OLFM3: variants seen among roughly 807,000 people sequenced by gnomAD.
OLFM3 encodes noelin-3.
In OLFM3, 20 loss-of-function variants were observed where a neutral mutation model predicts 48.6. That is an observed-to-expected ratio of 0.41 (90% CI 0.29 to 0.60). The LOEUF (loss-of-function observed/expected upper bound fraction) is 0.60, where lower values mean the gene tolerates loss of function less well. Ranked by LOEUF, OLFM3 falls within the 20% of genes least tolerant of loss-of-function variation. The probability of loss-of-function intolerance (pLI) is 0.28; values close to 1 mark genes in which losing one functional copy is unlikely to be tolerated. For missense variants in OLFM3, 437 were observed against 544.3 expected (o/e 0.80, Z 1.96); for synonymous variants, 222 against 198.1 (o/e 1.12, Z -1.01).
chr1:101,982,003 A>C (rs565697823), intron 1 of OLFM3, among the ~76,000 whole-genome samples: 4 of 152,336 alleles, frequency 2.6e-5, no homozygotes, highest in African/African-American at 9.6e-5. Context: ...AACATTGAAA[A>C]AACACTGGTC....
intron 4 of OLFM3, among the ~76,000 whole-genome samples, chr1:101,812,251 G>T (rs971997565): frequency 1.3e-5 from 2 of 152,046 alleles, no homozygotes; most frequent in Non-Finnish European, 2.9e-5. Context: ...GAGTTAATGG[G>T]TGCAGCATAC....
At chr1:101,944,176 A>C (rs528942271) in intron 1 of OLFM3, among the ~76,000 whole-genome samples, 2 of 151,998 alleles carry the variant, frequency 1.3e-5, no homozygotes, top group South Asian at 4.1e-4. Flanking sequence ...ATATTTTATT[A>C]TCACATATAA....
intron 1 of OLFM3, among the ~76,000 whole-genome samples, chr1:101,958,041 T>C (rs781283301): frequency 1.6e-4 from 25 of 152,178 alleles, no homozygotes; most frequent in African/African-American, 6.0e-4. Flanking sequence ...TGCTACTGCA[T>C]TCTGAAGACA....
chr1:101,958,367 T>C (rs6656787), intron 1 of OLFM3, among the ~76,000 whole-genome samples: 4,515 of 152,148 alleles, frequency 0.03, 182 homozygotes, highest in African/African-American at 0.095. Flanking sequence ...TGTGAGGCAG[T>C]AGGTATGACT....
At chr1:101,861,071 T>TA (rs1490513953) in intron 1 of OLFM3, among the ~76,000 whole-genome samples, 2 of 149,352 alleles carry the variant, frequency 1.3e-5, no homozygotes, top group Non-Finnish European at 3.0e-5. Context: ...TTTGATTATA[T>TA]TTTTTTTTGA....
chr1:101,823,641 A>C (rs1239383630), intron 4 of OLFM3, among the ~76,000 whole-genome samples: 1 of 152,062 alleles, frequency 6.6e-6, no homozygotes, highest in Non-Finnish European at 1.5e-5. Flanking sequence ...CAACAGAGCA[A>C]AATAATTTCA....
intron 1 of OLFM3, among the ~76,000 whole-genome samples, chr1:101,985,683 T>C (rs1661214919): frequency 6.6e-6 from 1 of 152,198 alleles, no homozygotes; most frequent in African/African-American, 2.4e-5. Flanking sequence ...GGTAATTTAC[T>C]CATTTATCTT....
intron 1 of OLFM3, among the ~76,000 whole-genome samples, chr1:101,871,012 CAG>C (rs1657062598): frequency 6.6e-6 from 1 of 151,832 alleles, no homozygotes; most frequent in Admixed American, 6.6e-5. Flanking sequence ...GAAATTTAGA[CAG>C]AGCAGAGTAA....
chr1:101,877,898 C>A (rs1657365783), intron 1 of OLFM3, among the ~76,000 whole-genome samples: 1 of 151,356 alleles, frequency 6.6e-6, no homozygotes, highest in Non-Finnish European at 1.5e-5. Context: ...TGTTCAGATT[C>A]CCTTAGAGTT....
intron 1 of OLFM3, among the ~76,000 whole-genome samples, chr1:101,882,316 CATATATATATATATAAT>C (rs1228776866): frequency 8.7e-6 from 1 of 115,030 alleles, no homozygotes; most frequent in Non-Finnish European, 1.9e-5. Flanking sequence ...AATATAAGTG[CATATATATATATATAAT>C]ATATATATAT....
chr1:101,960,510 C>T (rs1212410111), intron 1 of OLFM3, among the ~76,000 whole-genome samples: 1 of 152,148 alleles, frequency 6.6e-6, no homozygotes, highest in African/African-American at 2.4e-5. Flanking sequence ...GTTCTACTAG[C>T]ATTATTGCTG....
chr1:101,938,832 C>T (rs1659702594), intron 1 of OLFM3, among the ~76,000 whole-genome samples: 1 of 152,114 alleles, frequency 6.6e-6, no homozygotes, highest in Middle Eastern at 3.2e-3. Context: ...AGTATTCACC[C>T]AAATCATCTT....
In OLFM3 at chr1:101,803,924, A is replaced by G; in HGVS notation, c.*314T>C. 5.4e-6 allele frequency: 1 copy of G among 185,222 alleles called. No individual in the cohort carries two copies. The highest frequency in any genetic ancestry group is 1.1e-5 in the Non-Finnish European group (1 of 90,436). The allele number at this position is 185,222 out of a possible 1,614,324, so 11.5% of individuals were successfully genotyped here. On this transcript the variant is annotated 3_prime_UTR_variant, in exon 6 of 6. Coordinates refer to ENST00000370103, the MANE Select transcript of OLFM3 (RefSeq NM_058170.4). ...ACATTCGTGCATTTAAGCCACCATT[A>G]GTCTCTGACTCTAATATAAGGCAGA...
At chr1:101,879,378 CAAT>C (rs1657429125) in intron 1 of OLFM3, among the ~76,000 whole-genome samples, 2 of 151,938 alleles carry the variant, frequency 1.3e-5, no homozygotes, top group East Asian at 1.9e-4. Flanking sequence ...TTATTCCTTA[CAAT>C]AATAATTTTC....
chr1:101,874,185 C>G (rs937799459), intron 1 of OLFM3, among the ~76,000 whole-genome samples: 1 of 151,710 alleles, frequency 6.6e-6, no homozygotes, highest in Non-Finnish European at 1.5e-5. Context: ...ACCTTTTCTG[C>G]CTCTTGACCA....
chr1:101,836,470 T>A (rs1017626106), intron 2 of OLFM3, among the ~76,000 whole-genome samples: 1 of 152,226 alleles, frequency 6.6e-6, no homozygotes, highest in Non-Finnish European at 1.5e-5. Flanking sequence ...TCCAGATAGC[T>A]TGCATATCAC....
At chr1:101,859,528 C>T (rs565812679) in intron 1 of OLFM3, among the ~76,000 whole-genome samples, 176 of 152,134 alleles carry the variant, frequency 1.2e-3, no homozygotes, top group Non-Finnish European at 2.1e-3. Context: ...AGTTAAATGT[C>T]TCTTATTTGA....
chr1:101,973,788 G>A (rs778260510), intron 1 of OLFM3, among the ~76,000 whole-genome samples: 11 of 152,144 alleles, frequency 7.2e-5, no homozygotes, highest in Admixed American at 3.9e-4. Context: ...TATCAAGAAG[G>A]ACAAGAAAGA....
At chr1:101,848,508 A>ATT (rs34309802) in intron 1 of OLFM3, among the ~76,000 whole-genome samples, 8,726 of 148,764 alleles carry the variant, frequency 0.059, 653 homozygotes, top group East Asian at 0.33. Context: ...AATCCAGGCC[A>ATT]TTTTTTTTTT....
Sources: allele counts gnomAD v4.1 joint callset (sites outside exome capture counted in the v4.1 genomes callset), GRCh38; gene constraint gnomAD v4.1.1; transcripts MANE v1.5; gene names NCBI Gene and HGNC (gene_info 2026-07-23, HGNC 2026-07-21).